MBD2: variants seen among roughly 807,000 people sequenced by gnomAD.
MBD2 encodes the protein methyl-CpG binding domain protein 2.
A neutral mutation model predicts 39.3 loss-of-function variants in MBD2; 9 were observed. The ratio of observed to expected loss-of-function variants is 0.23; its 90% CI spans 0.14 to 0.40. The LOEUF is 0.40. Ranked by LOEUF, MBD2 falls within the 10% of genes least tolerant of loss-of-function variation. The pLI is 1.00. For missense variants in MBD2, 458 were observed against 532.6 expected (o/e 0.86, Z 1.38); for synonymous variants, 233 against 211.1 (o/e 1.10, Z -0.90).
rs571527596 is a variant in MBD2 at position 54,218,137 on chromosome 18, C to T, written c.542+5881G>A. On this transcript the variant is annotated intron_variant, in intron 1 of 6. Coordinates refer to ENST00000256429, the MANE Select transcript of MBD2 (RefSeq NM_003927.5). ...GAGATTTTTAAAAAATTGATCTGTA[C>T]GGTATATTTCAACTGTATCTCAAAC... Among the ~76,000 whole-genome samples the T allele has an allele frequency of 1.1e-3, 174 of 152,268 alleles. 1 individual carries two copies. The South Asian group carries it at 0.014, about 12-fold the overall frequency.
rs148106627 is a variant in MBD2, at chr18:54,166,577, G to A, written c.841-411C>T. ...TATCCCCCTTTATCCAATATCATTA[G>A]AGAAAGAGCTACTCCAATATGGGAT... On this transcript the variant is annotated intron_variant, in intron 3 of 6. Coordinates refer to ENST00000256429, the MANE Select transcript of MBD2 (RefSeq NM_003927.5). Among the ~76,000 whole-genome samples the A allele has an allele frequency of 6.3e-3, 967 of 152,316 alleles. 13 individuals carry two copies. Among genetic ancestry groups the A allele is most frequent in the African/African-American group, 0.022 (903 of 41,566 alleles).
At chr18:54,218,134 G>C (rs142596721) in intron 1 of MBD2, among the ~76,000 whole-genome samples, 1 of 152,270 alleles carries the variant, frequency 6.6e-6, no homozygotes, top group Non-Finnish European at 1.5e-5. Context: ...AAATTGATCT[G>C]TACGGTATAT....
intron 3 of MBD2, among the ~76,000 whole-genome samples, chr18:54,175,437 C>G (rs9961259): frequency 0.099 from 15,106 of 152,200 alleles, 2,542 homozygotes; most frequent in African/African-American, 0.34. Flanking sequence ...CTAAGGTTAT[C>G]CCACCACCTG....
chr18:54,160,766 G>C (rs2086091216), intron 5 of MBD2, among the ~76,000 whole-genome samples: 1 of 151,864 alleles, frequency 6.6e-6, no homozygotes, highest in African/African-American at 2.4e-5. Context: ...GAACCAAGTA[G>C]AGAAGCAAAG....
chr18:54,190,360 G>A (rs919833792), intron 2 of MBD2, among the ~76,000 whole-genome samples: 4 of 152,098 alleles, frequency 2.6e-5, no homozygotes, highest in African/African-American at 9.7e-5. Flanking sequence ...CCACATCCCA[G>A]TGATAAGTGC....
chr18:54,199,982 ACT>A (rs928985201), intron 2 of MBD2, among the ~76,000 whole-genome samples: 1 of 152,196 alleles, frequency 6.6e-6, no homozygotes, highest in Admixed American at 6.5e-5. Context: ...TAAAACAAGT[ACT>A]TTCTAGATCA....
intron 1 of MBD2, among the ~76,000 whole-genome samples, chr18:54,208,925 G>A (rs2086475783): frequency 2.0e-5 from 3 of 152,164 alleles, no homozygotes; most frequent in Non-Finnish European, 4.4e-5. Context: ...GATCACTTAT[G>A]TTTATCATCT....
chr18:54,179,700 CT>C (rs1400433630), intron 3 of MBD2, among the ~76,000 whole-genome samples: 13 of 152,022 alleles, frequency 8.6e-5, no homozygotes, highest in Admixed American at 7.9e-4. Context: ...AAGAAATATT[CT>C]TAGTAAAACA....
rs1403704101 is a variant in MBD2, at chr18:54,179,939, G to GAAAGAAAGAA, written c.840+8925_840+8934dup. Among the ~76,000 whole-genome samples, 14 of 4,534 alleles carry GAAAGAAAGAA rather than the reference G, an allele frequency of 3.1e-3. No individual in the cohort carries two copies. The African/African-American group carries it at 0.047, about 15-fold the overall frequency. 3.0% of individuals were successfully genotyped at this position (4,534 alleles called of 152,430 possible). A position where few individuals can be genotyped will look rare whatever the true frequency, so the allele number is the denominator to read the frequency against. On this transcript the variant is annotated intron_variant, in intron 3 of 6. Coordinates refer to ENST00000256429, the MANE Select transcript of MBD2 (RefSeq NM_003927.5). ...TAAATATTGTTAAGAAAGAAAGAAG[G>GAAAGAAAGAA]AAAGAAAGAAAAACTCTCATTGACA...
intron 1 of MBD2, among the ~76,000 whole-genome samples, chr18:54,220,405 G>T (rs1033719687): frequency 6.6e-5 from 10 of 151,666 alleles, no homozygotes; most frequent in Non-Finnish European, 1.5e-4. Context: ...TGGCAACTAG[G>T]GGCACGCCTT....
At position 54,164,553 on chromosome 18, in the gene MBD2, T is replaced by G; in HGVS notation, c.1079A>C (p.Lys360Thr). 5.6e-6 allele frequency: 9 copies of G among 1,613,870 alleles called. No homozygotes were observed. Among genetic ancestry groups the G allele is most frequent in the Non-Finnish European group, 7.6e-6 (9 of 1,179,736 alleles). ...VWLNTSQPLC[K>T]AFIVTDEDIR... ...GTCTTCATCTGTGACAATAAAAGCT[T>G]TGCAGAGGGGTTGAGATGTGTTAAG... Residue 360 changes from lysine to threonine, a missense_variant, in exon 5 of 7, where the codon AAA becomes ACA. Transcript: ENST00000256429.
Position 54,171,204 on chromosome 18 carries a change from C to A in MBD2, c.841-5038G>T, listed in dbSNP as rs372568829. 5.2e-4 allele frequency among the ~76,000 whole-genome samples: 79 copies of A among 152,062 alleles called. 1 individual carries two copies. In the South Asian group the frequency reaches 0.013, roughly 26 times the overall value. On this transcript the variant is annotated intron_variant, in intron 3 of 6. Transcript: ENST00000256429. ...ATCATCTGAGGTCAGGAGTTCGAGACCAGCCTGACCAAGATGGTGAAACCC... is the reference window on the plus strand; with the variant it reads ...ATCATCTGAGGTCAGGAGTTCGAGAACAGCCTGACCAAGATGGTGAAACCC...
intron 3 of MBD2, among the ~76,000 whole-genome samples, chr18:54,168,963 T>C (rs533373428): frequency 6.6e-6 from 1 of 152,256 alleles, no homozygotes; most frequent in Admixed American, 6.5e-5. Flanking sequence ...ATTCTTTGCA[T>C]TTTAAAATGC....
intron 3 of MBD2, among the ~76,000 whole-genome samples, chr18:54,182,429 A>G (rs183754406): frequency 6.6e-6 from 1 of 152,300 alleles, no homozygotes; most frequent in Non-Finnish European, 1.5e-5. Flanking sequence ...ATGAAATCTG[A>G]TCAAGGTATG....
chr18:54,161,044 A>G (rs1145310), intron 5 of MBD2, among the ~76,000 whole-genome samples: 54,101 of 151,952 alleles, frequency 0.36, 10,007 homozygotes, highest in East Asian at 0.56. Flanking sequence ...CAAAACTGGG[A>G]CAGCAGAGAG....
chr18:54,224,174 A>T lies in MBD2; in HGVS notation c.386T>A (p.Phe129Tyr). The change falls in exon 1 of 7, where the codon TTC (phenylalanine) becomes TAC (tyrosine). Residue 129 changes from phenylalanine to tyrosine, a missense_variant. Physicochemically the swap from Phe to Tyr is conservative, Grantham distance 22. Coordinates refer to ENST00000256429, the MANE Select transcript of MBD2 (RefSeq NM_003927.5). ...CCCCGGCCCCGCGCTCCCCGACGGG[A>T]AAGGGACCGGCTCCCGCCGGGGGGC... ...GGAPRREPVP[F>Y]PSGSAGPGPR... The T allele has an allele frequency of 7.3e-7, 1 of 1,369,274 alleles. No individual in the cohort carries two copies. Among genetic ancestry groups the T allele is most frequent in the Non-Finnish European group, 9.5e-7 (1 of 1,058,106 alleles). 84.8% of individuals were successfully genotyped at this position (1,369,274 alleles called of 1,614,324 possible). A position where few individuals can be genotyped will look rare whatever the true frequency, so the allele number is the denominator to read the frequency against.
intron 6 of MBD2, among the ~76,000 whole-genome samples, chr18:54,159,563 A>C (rs1439892879): frequency 1.3e-5 from 2 of 152,004 alleles, no homozygotes; most frequent in African/African-American, 4.8e-5. Flanking sequence ...AACCACACAC[A>C]CACAACACCA....
chr18:54,166,242 G>C, intron 3 of MBD2, 76 bp from the exon 4 acceptor site: 1 of 843,758 alleles, frequency 1.2e-6, no homozygotes, highest in African/African-American at 1.7e-5. Flanking sequence ...GTTGAATAAT[G>C]AAATTTAAAT....
At chr18:54,221,453 G>A (rs377370293) in intron 1 of MBD2, among the ~76,000 whole-genome samples, 750 of 66,896 alleles carry the variant, frequency 0.011, 9 homozygotes, top group African/African-American at 0.052. Context: ...GCAAGACTCC[G>A]TCTCAAAAAA....
Sources: allele counts gnomAD v4.1 joint callset (sites outside exome capture counted in the v4.1 genomes callset), GRCh38; gene constraint gnomAD v4.1.1; transcripts MANE v1.5; gene names NCBI Gene and HGNC (gene_info 2026-07-23, HGNC 2026-07-21).